Variants in KDM4C observed in about 807,000 individuals in gnomAD.
KDM4C encodes the protein lysine-specific demethylase 4C.
KDM4C carries 81 observed loss-of-function variants against 129.3 expected under a neutral mutation model. The observed-to-expected ratio is 0.63, with a 90% CI of 0.52 to 0.75. KDM4C has a LOEUF of 0.75. KDM4C is among the 30% of genes least tolerant of loss of function. KDM4C has a pLI of 0.00. For missense variants in KDM4C, 1,457 were observed against 1,304.0 expected, an observed-to-expected ratio of 1.12 and a Z score of -1.81; for synonymous variants, 573 against 456.1, an observed-to-expected ratio of 1.26 and a Z score of -3.26.
chr9:7,005,480 A>G (rs1821496638), intron 12 of KDM4C, among the ~76,000 whole-genome samples: 1 of 151,276 alleles, frequency 6.6e-6, no homozygotes, highest in African/African-American at 2.4e-5. Flanking sequence ...AGTGAGTTAG[A>G]TAAACGCCCC....
intron 8 of KDM4C, among the ~76,000 whole-genome samples, chr9:6,977,806 T>G (rs1833184276): frequency 6.6e-6 from 1 of 152,176 alleles, no homozygotes; most frequent in South Asian, 2.1e-4. Context: ...CCTCTAGGGT[T>G]TTTTCAATCC....
intron 1 of KDM4C, among the ~76,000 whole-genome samples, chr9:6,773,820 A>G (rs1269638291): frequency 6.6e-6 from 1 of 151,918 alleles, no homozygotes; most frequent in African/African-American, 2.4e-5. Context: ...CTGGTTGTAT[A>G]ATACAGTAAG....
At chr9:6,780,768 CAAAAA>C (rs34457968) in intron 1 of KDM4C, among the ~76,000 whole-genome samples, 104 of 32,142 alleles carry the variant, frequency 3.2e-3, no homozygotes, top group Non-Finnish European at 4.2e-3. Context: ...AACTCCCTCT[CAAAAA>C]AAAAAAAAAA....
At chr9:6,748,021 C>G (rs1211706662) in intron 1 of KDM4C, among the ~76,000 whole-genome samples, 1 of 151,638 alleles carries the variant, frequency 6.6e-6, no homozygotes, top group Non-Finnish European at 1.5e-5. Flanking sequence ...CCACTAAAAC[C>G]ACAAAAATTA....
intron 11 of KDM4C, among the ~76,000 whole-genome samples, chr9:6,987,816 G>C (rs1319002016): frequency 6.6e-6 from 1 of 151,884 alleles, no homozygotes; most frequent in Non-Finnish European, 1.5e-5. Flanking sequence ...CTTTGAAAAG[G>C]TGCCTAAGAG....
At chr9:7,113,298 A>C (rs147780843) in intron 18 of KDM4C, among the ~76,000 whole-genome samples, 3 of 152,244 alleles carry the variant, frequency 2.0e-5, no homozygotes, top group African/African-American at 7.2e-5. Flanking sequence ...AGTGAAGGTT[A>C]GATTTGCCTG....
intron 6 of KDM4C, among the ~76,000 whole-genome samples, chr9:6,884,012 A>G (rs937293130): frequency 6.6e-6 from 1 of 152,180 alleles, no homozygotes; most frequent in Non-Finnish European, 1.5e-5. Flanking sequence ...CTTGAAATGG[A>G]AAAAACTTGC....
chr9:6,953,437 C>A (rs1258560402), intron 8 of KDM4C, among the ~76,000 whole-genome samples: 1 of 152,214 alleles, frequency 6.6e-6, no homozygotes. Context: ...ACATTTAATA[C>A]TTGCAATGCA....
At chr9:6,744,822 G>C (rs1258888013) in intron 1 of KDM4C, among the ~76,000 whole-genome samples, 1 of 151,072 alleles carries the variant, frequency 6.6e-6, no homozygotes, top group East Asian at 2.0e-4. Flanking sequence ...TGCTGAGAGG[G>C]AGAAGGACTG....
At chr9:7,019,642 G>C (rs1190393241) in intron 15 of KDM4C, among the ~76,000 whole-genome samples, 2 of 146,576 alleles carry the variant, frequency 1.4e-5, no homozygotes, top group Admixed American at 1.4e-4. Context: ...ATTGTATGTG[G>C]TGGTTCTATT....
At chr9:6,916,354 G>GT (rs113553834) in intron 8 of KDM4C, among the ~76,000 whole-genome samples, 6,112 of 144,982 alleles carry the variant, frequency 0.042, 204 homozygotes, top group African/African-American at 0.089. Context: ...TTTAATGAGA[G>GT]TTTTTTTTTT....
intron 8 of KDM4C, among the ~76,000 whole-genome samples, chr9:6,923,042 C>T (rs974058695): frequency 6.6e-6 from 1 of 152,218 alleles, no homozygotes; most frequent in African/African-American, 2.4e-5. Context: ...AGATTCTCCT[C>T]AGGTATGAAT....
chr9:7,131,141 G>A (rs1840590456), intron 19 of KDM4C, among the ~76,000 whole-genome samples: 1 of 152,062 alleles, frequency 6.6e-6, no homozygotes, highest in Non-Finnish European at 1.5e-5. Context: ...TATTTTGTCT[G>A]ATCTTTCCTC....
intron 13 of KDM4C, among the ~76,000 whole-genome samples, chr9:7,012,417 G>T (rs1386201787): frequency 6.6e-6 from 1 of 151,968 alleles, no homozygotes; most frequent in East Asian, 1.9e-4. Context: ...AAGAAACACA[G>T]AACTTAAAGC....
At chr9:6,951,988 C>G (rs1179867623) in intron 8 of KDM4C, among the ~76,000 whole-genome samples, 2 of 151,586 alleles carry the variant, frequency 1.3e-5, no homozygotes, top group Non-Finnish European at 2.9e-5. Context: ...GAAAATTGAC[C>G]CTGCTGTTAC....
At chr9:7,061,384 C>T (rs541103095) in intron 17 of KDM4C, among the ~76,000 whole-genome samples, 2 of 152,240 alleles carry the variant, frequency 1.3e-5, no homozygotes, top group Non-Finnish European at 2.9e-5. Flanking sequence ...TGCCTGTCAT[C>T]TACCTGATTT....
intron 17 of KDM4C, among the ~76,000 whole-genome samples, chr9:7,073,014 G>A (rs1833417896): frequency 6.6e-6 from 1 of 152,172 alleles, no homozygotes; most frequent in Non-Finnish European, 1.5e-5. Context: ...GAGAAGTAGT[G>A]AGAGGAAAGA....
chr9:7,117,972 G>A (rs566077916), intron 18 of KDM4C, among the ~76,000 whole-genome samples: 1 of 152,288 alleles, frequency 6.6e-6, no homozygotes, highest in East Asian at 1.9e-4. Context: ...GTAGCAAGCA[G>A]GTGGTATGTT....
intron 8 of KDM4C, among the ~76,000 whole-genome samples, chr9:6,931,632 C>T (rs1823758041): frequency 6.6e-6 from 1 of 152,136 alleles, no homozygotes; most frequent in African/African-American, 2.4e-5. Flanking sequence ...TCCTGAGTAG[C>T]TGGGACTACA....
Sources: gnomAD v4.1 joint callset for allele counts (sites outside exome capture counted in the v4.1 genomes callset) on GRCh38, gnomAD v4.1.1 for gene constraint, MANE v1.5 for transcripts, NCBI Gene and HGNC (gene_info 2026-07-23, HGNC 2026-07-21) for gene names.